The following TANK variants were observed in gnomAD, a reference collection of about 807,000 sequenced individuals.
TANK encodes TRAF family member associated NFKB activator, also known as TRAF family member-associated NF-kappa-B activator.
A neutral mutation model predicts 43.6 loss-of-function variants in TANK; 15 were observed. The observed-to-expected ratio is 0.34, with a 90% CI of 0.23 to 0.53. TANK has a LOEUF of 0.53. Ranked by LOEUF, TANK falls within the 20% of genes least tolerant of loss-of-function variation. The pLI is 0.94. For missense variants in TANK, 417 were observed against 498.6 expected (o/e 0.84, Z 1.56); for synonymous variants, 162 against 178.2 (o/e 0.91, Z 0.73).
intron 2 of TANK, among the ~76,000 whole-genome samples, chr2:161,181,669 C>T (rs1160213401): frequency 6.6e-6 from 1 of 152,084 alleles, no homozygotes; most frequent in African/African-American, 2.4e-5. Flanking sequence ...AGAACTCATT[C>T]ACTATCACAA....
Position 161,140,215 on chromosome 2 carries a change from A to G in TANK, c.-50+3152A>G, listed in dbSNP as rs549458155. 1.2e-4 allele frequency among the ~76,000 whole-genome samples: 18 copies of G among 152,260 alleles called. No individual in the cohort carries two copies. The South Asian group carries it at 3.7e-3, about 32-fold the overall frequency. ...TGTTCCTTGAAATGTTTAAAGAAGA[A>G]TCCATAATACTGTTGGGCCTTGGCA... On this transcript the variant is annotated intron_variant, in intron 1 of 7. Coordinates refer to the TANK transcript ENST00000259075.
At chr2:161,189,842 A>C (rs1685833150) in intron 2 of TANK, among the ~76,000 whole-genome samples, 1 of 152,188 alleles carries the variant, frequency 6.6e-6, no homozygotes, top group African/African-American at 2.4e-5. Context: ...ATTAAAACAG[A>C]TCAAAGACCA....
At chr2:161,232,005 A>G (rs953618864) in intron 7 of TANK, among the ~76,000 whole-genome samples, 3 of 152,258 alleles carry the variant, frequency 2.0e-5, no homozygotes, top group African/African-American at 4.8e-5. Context: ...TAAGTGAACT[A>G]TCTTTCAGTG....
chr2:161,220,368 C>T (rs962385063), intron 4 of TANK, among the ~76,000 whole-genome samples: 8 of 152,130 alleles, frequency 5.3e-5, no homozygotes, highest in African/African-American at 1.7e-4. Context: ...TTTCGGAGGC[C>T]GAGGTGGGCA....
At chr2:161,230,248 CTG>C (rs1687842063) in intron 6 of TANK, among the ~76,000 whole-genome samples, 1 of 152,112 alleles carries the variant, frequency 6.6e-6, no homozygotes, top group Non-Finnish European at 1.5e-5. Flanking sequence ...TAGCTTTTGA[CTG>C]TGTCCTACAA....
At chr2:161,182,728 G>A (rs1685485625) in intron 2 of TANK, among the ~76,000 whole-genome samples, 1 of 152,006 alleles carries the variant, frequency 6.6e-6, no homozygotes, top group Non-Finnish European at 1.5e-5. Context: ...ATTGAAGAAG[G>A]GACAACCAGT....
At chr2:161,221,459 T>A (rs1339596862) in intron 4 of TANK, among the ~76,000 whole-genome samples, 2 of 152,156 alleles carry the variant, frequency 1.3e-5, no homozygotes, top group African/African-American at 4.8e-5. Flanking sequence ...TAATCTTTAT[T>A]AAGATAATGC....
chr2:161,226,789 T>A (rs1168901689), intron 6 of TANK, among the ~76,000 whole-genome samples: 1 of 36,822 alleles, frequency 2.7e-5, no homozygotes, highest in Non-Finnish European at 8.8e-5. Flanking sequence ...TACTGTTTGG[T>A]TCATAAAGGA....
At chr2:161,170,919 TAGC>T (rs1321811466) in intron 1 of TANK, among the ~76,000 whole-genome samples, 1 of 152,248 alleles carries the variant, frequency 6.6e-6, no homozygotes, top group Non-Finnish European at 1.5e-5. Flanking sequence ...TAAATTGCCT[TAGC>T]AGAGAAATTA....
At chr2:161,180,666 C>T (rs936203661) in intron 2 of TANK, among the ~76,000 whole-genome samples, 2 of 152,080 alleles carry the variant, frequency 1.3e-5, no homozygotes, top group Admixed American at 1.3e-4. Flanking sequence ...TTCACCTACA[C>T]GTTCTGTGAT....
chr2:161,146,479 T>C (rs1409798173), intron 1 of TANK, among the ~76,000 whole-genome samples: 3 of 152,250 alleles, frequency 2.0e-5, no homozygotes, highest in Non-Finnish European at 2.9e-5. Context: ...TTGAGGTTGC[T>C]GACCCTTGGA....
chr2:161,173,265 C>T (rs1407426085), intron 1 of TANK, among the ~76,000 whole-genome samples: 2 of 152,138 alleles, frequency 1.3e-5, no homozygotes, highest in Non-Finnish European at 2.9e-5. Flanking sequence ...GCTATCATCT[C>T]TGCACACATG....
chr2:161,182,112 A>G (rs1398037006), intron 2 of TANK, among the ~76,000 whole-genome samples: 1 of 152,004 alleles, frequency 6.6e-6, no homozygotes, highest in Non-Finnish European at 1.5e-5. Flanking sequence ...GGTTTAAGGC[A>G]TAACCATTTT....
At chr2:161,231,593 A>G (rs774618672) in intron 7 of TANK, 42 bp downstream of exon 7, 3 of 1,567,040 alleles carry the variant, frequency 1.9e-6, no homozygotes, top group Non-Finnish European at 2.6e-6. Context: ...ATGTGTGAAC[A>G]CACATTTTGC....
At chr2:161,172,575 A>C (rs987214658) in intron 1 of TANK, among the ~76,000 whole-genome samples, 1 of 152,086 alleles carries the variant, frequency 6.6e-6, no homozygotes, top group Admixed American at 6.6e-5. Context: ...AATTAGATTC[A>C]GTATCTTCCC....
intron 4 of TANK, among the ~76,000 whole-genome samples, chr2:161,220,283 G>A: frequency 6.6e-6 from 1 of 152,156 alleles, no homozygotes; most frequent in Non-Finnish European, 1.5e-5. Context: ...TCTTGTTAAA[G>A]AGTTTAGTCA....
At chr2:161,144,841 C>A (rs1193443194) in intron 1 of TANK, among the ~76,000 whole-genome samples, 2 of 152,020 alleles carry the variant, frequency 1.3e-5, no homozygotes, top group Non-Finnish European at 2.9e-5. Context: ...AGTTCAAATC[C>A]TGAATATCCT....
At chr2:161,223,779 AG>A (rs1307061707) in intron 4 of TANK, 135 bp from the exon 5 acceptor site, 1 of 499,196 alleles carries the variant, frequency 2.0e-6, no homozygotes, top group Non-Finnish European at 3.7e-6. Flanking sequence ...TATTACATAT[AG>A]GTCTATAAGC....
At chr2:161,222,631 A>G (rs1447181200) in intron 4 of TANK, among the ~76,000 whole-genome samples, 4 of 152,214 alleles carry the variant, frequency 2.6e-5, no homozygotes, top group Non-Finnish European at 4.4e-5. Context: ...ATGTGAAAAT[A>G]TCTTCTGATG....
Sources: allele counts gnomAD v4.1 joint callset (sites outside exome capture counted in the v4.1 genomes callset), GRCh38; gene constraint gnomAD v4.1.1; transcripts MANE v1.5; gene names NCBI Gene and HGNC (gene_info 2026-07-23, HGNC 2026-07-21).